ZCCHC7: variants seen among roughly 807,000 people sequenced by gnomAD.
The protein encoded by ZCCHC7 is zinc finger CCHC domain-containing protein 7.
In ZCCHC7, 35 loss-of-function variants were observed where a neutral mutation model predicts 52.0. The ratio of observed to expected loss-of-function variants is 0.67; its 90% CI spans 0.51 to 0.89. ZCCHC7 has a LOEUF of 0.89. Among genes scored for constraint, ZCCHC7 ranks in the 40% least tolerant of loss-of-function variants. The pLI is 0.00. For synonymous variants in ZCCHC7, 217 were observed against 221.5 expected, an observed-to-expected ratio of 0.98 and a Z score of 0.18; for missense variants, 574 against 649.1, an observed-to-expected ratio of 0.88 and a Z score of 1.26.
At chr9:37,211,381 GT>G (rs1366469066) in intron 2 of ZCCHC7, among the ~76,000 whole-genome samples, 2 of 152,002 alleles carry the variant, frequency 1.3e-5, no homozygotes, top group East Asian at 3.9e-4. Flanking sequence ...TTTGGTTTTG[GT>G]TTTGGTTTTT....
chr9:37,200,071 A>C (rs1160514670), intron 2 of ZCCHC7, among the ~76,000 whole-genome samples: 1 of 152,032 alleles, frequency 6.6e-6, no homozygotes, highest in Non-Finnish European at 1.5e-5. Context: ...ACCATTATTA[A>C]ATGCTTTATA....
intron 2 of ZCCHC7, among the ~76,000 whole-genome samples, chr9:37,298,323 A>G (rs1356134486): frequency 1.3e-5 from 2 of 152,232 alleles, no homozygotes; most frequent in African/African-American, 2.4e-5. Context: ...CCCAACCTCC[A>G]ACATTGGGGA....
intron 2 of ZCCHC7, among the ~76,000 whole-genome samples, chr9:37,236,946 T>C (rs1351720134): frequency 1.3e-5 from 2 of 152,204 alleles, no homozygotes; most frequent in Non-Finnish European, 2.9e-5. Context: ...TGCTTTCAAT[T>C]TGAACTTCTT....
intron 2 of ZCCHC7, among the ~76,000 whole-genome samples, chr9:37,239,252 C>T (rs1825780465): frequency 6.6e-6 from 1 of 152,076 alleles, no homozygotes; most frequent in Non-Finnish European, 1.5e-5. Flanking sequence ...TTTAAAAGAA[C>T]ATTATCTAAA....
At chr9:37,205,462 C>T (rs1279113306) in intron 2 of ZCCHC7, 1 of 153,338 alleles carries the variant, frequency 6.5e-6, no homozygotes, top group Non-Finnish European at 1.5e-5. Flanking sequence ...CATAATATTT[C>T]ACAGCTTAGA....
chr9:37,179,554 A>T (rs1410392759), intron 2 of ZCCHC7, among the ~76,000 whole-genome samples: 1 of 152,206 alleles, frequency 6.6e-6, no homozygotes, highest in African/African-American at 2.4e-5. Context: ...TAAAAATAAC[A>T]TCTGTTTATG....
At chr9:37,263,150 C>G (rs1179342895) in intron 2 of ZCCHC7, among the ~76,000 whole-genome samples, 1 of 151,834 alleles carries the variant, frequency 6.6e-6, no homozygotes, top group Non-Finnish European at 1.5e-5. Context: ...TCTTCAATTC[C>G]TATTTCTTAT....
intron 2 of ZCCHC7, among the ~76,000 whole-genome samples, chr9:37,211,483 A>T (rs1564181322): frequency 6.6e-6 from 1 of 152,042 alleles, no homozygotes; most frequent in South Asian, 2.1e-4. Flanking sequence ...GAGTTCTCTC[A>T]CAGTGCTTTG....
chr9:37,268,598 T>C (rs1376149221), intron 2 of ZCCHC7, among the ~76,000 whole-genome samples: 1 of 152,066 alleles, frequency 6.6e-6, no homozygotes, highest in Admixed American at 6.5e-5. Flanking sequence ...AGCTAATTTT[T>C]TGTATTTTTA....
intron 2 of ZCCHC7, among the ~76,000 whole-genome samples, chr9:37,208,203 TC>T (rs1400366257): frequency 6.6e-6 from 1 of 152,062 alleles, no homozygotes; most frequent in African/African-American, 2.4e-5. Flanking sequence ...TCCCACCTCA[TC>T]CCCTCGAATA....
At chr9:37,133,818 A>G (rs1460321557) in intron 2 of ZCCHC7, among the ~76,000 whole-genome samples, 1 of 152,118 alleles carries the variant, frequency 6.6e-6, no homozygotes, top group East Asian at 1.9e-4. Context: ...TGAACTCCTG[A>G]CCTCAGGTGA....
At chr9:37,252,659 C>A (rs1011565329) in intron 2 of ZCCHC7, among the ~76,000 whole-genome samples, 4 of 152,104 alleles carry the variant, frequency 2.6e-5, no homozygotes, top group Admixed American at 6.5e-5. Context: ...AATAACTTTG[C>A]AAATTATTGT....
rs1588640585 is a variant in ZCCHC7 at position 37,304,380 on chromosome 9, A to C, written c.780+67A>C. On this transcript the variant is annotated intron_variant, in intron 4 of 8. Transcript: ENST00000336755. ...CAAAATCTCAAGGGTGAGGCTGGGCACGGTGGCTCATGCCTGTAATCCCAG... is the reference window on the plus strand; with the variant it reads ...CAAAATCTCAAGGGTGAGGCTGGGCCCGGTGGCTCATGCCTGTAATCCCAG... The C allele has an allele frequency of 3.8e-6, 6 of 1,560,426 alleles. No homozygotes were observed. In the East Asian group the frequency reaches 1.4e-4, roughly 36 times the overall value.
chr9:37,170,696 A>G (rs1354185577), intron 2 of ZCCHC7, among the ~76,000 whole-genome samples: 1 of 152,192 alleles, frequency 6.6e-6, no homozygotes, highest in Admixed American at 6.5e-5. Flanking sequence ...ACATATTTCT[A>G]TTCTACTCAT....
At chr9:37,131,962 G>T (rs1164253401) in intron 2 of ZCCHC7, among the ~76,000 whole-genome samples, 2 of 152,178 alleles carry the variant, frequency 1.3e-5, no homozygotes, top group African/African-American at 4.8e-5. Context: ...TCTACTGAGG[G>T]ATGTAGGAGT....
At chr9:37,336,330 A>T (rs534375176) in intron 6 of ZCCHC7, among the ~76,000 whole-genome samples, 1 of 152,300 alleles carries the variant, frequency 6.6e-6, no homozygotes, top group African/African-American at 2.4e-5. Context: ...TTCCTATTTC[A>T]TGTTTGTTCC....
At chr9:37,141,497 A>T (rs1843224817) in intron 2 of ZCCHC7, among the ~76,000 whole-genome samples, 1 of 151,844 alleles carries the variant, frequency 6.6e-6, no homozygotes, top group Non-Finnish European at 1.5e-5. Flanking sequence ...TGAGAAGCTG[A>T]AAAGATATGT....
At chr9:37,275,653 G>GT (rs932745353) in intron 2 of ZCCHC7, among the ~76,000 whole-genome samples, 6 of 150,606 alleles carry the variant, frequency 4.0e-5, no homozygotes, top group Non-Finnish European at 7.4e-5. Flanking sequence ...TTCTTTTTTT[G>GT]TTTTTTGAAA....
At chr9:37,143,220 T>TC (rs1843303746) in intron 2 of ZCCHC7, among the ~76,000 whole-genome samples, 1 of 151,724 alleles carries the variant, frequency 6.6e-6, no homozygotes, top group Non-Finnish European at 1.5e-5. Context: ...TGGCAGTGGG[T>TC]GGAAGATTCT....
Sources: gnomAD v4.1 joint callset for allele counts (sites outside exome capture counted in the v4.1 genomes callset) on GRCh38, gnomAD v4.1.1 for gene constraint, MANE v1.5 for transcripts, NCBI Gene and HGNC (gene_info 2026-07-23, HGNC 2026-07-21) for gene names.